PLOD3: variants seen among roughly 807,000 people sequenced by gnomAD.
PLOD3 encodes multifunctional procollagen lysine hydroxylase and glycosyltransferase LH3.
Under a neutral mutation model 96.9 loss-of-function variants are expected in PLOD3, and 73 were observed. The ratio of observed to expected loss-of-function variants is 0.75; its 90% CI spans 0.62 to 0.92. The LOEUF is 0.92. Among genes scored for constraint, PLOD3 ranks in the 40% least tolerant of loss-of-function variants. The pLI is 0.00. For missense variants in PLOD3, 1,004 were observed against 1,004.3 expected (o/e 1.00, Z 0.00); for synonymous variants, 454 against 413.7 (o/e 1.10, Z -1.18).
intron 6 of PLOD3, among the ~76,000 whole-genome samples, chr7:101,214,201 A>G (rs1562894929): frequency 1.3e-5 from 2 of 150,702 alleles, no homozygotes; most frequent in African/African-American, 2.4e-5. Flanking sequence ...ATCTCGGCTC[A>G]CTGCAAGCTC....
In PLOD3 at chr7:101,212,945, T is replaced by A; in HGVS notation, c.778-2A>T. 2 of 1,609,576 alleles carry A rather than the reference T, an allele frequency of 1.2e-6. No homozygotes were observed. The highest frequency in any genetic ancestry group is 1.7e-6 in the Non-Finnish European group (2 of 1,176,032). The stretch of plus-strand genomic sequence containing the variant: ...GTTTCCCAGGTAGTTGAGCTGCAGC[T>A]GTTGGGGACAGACTGAGGCTGAGTG... On this transcript the variant is annotated splice_acceptor_variant, in intron 7 of 18. Transcript: ENST00000223127. LOFTEE classifies it high-confidence loss of function.
rs759282380 is a variant in PLOD3 at position 101,212,378 on chromosome 7, G to A, written c.1006-4C>T. On this transcript the variant is annotated splice_polypyrimidine_tract_variant and splice_region_variant and intron_variant, in intron 9 of 18. Transcript: ENST00000223127. ...TGTGGGGTTCATGGAAGACCTCCTG[G>A]GAGGGGAAGACATAGGGGGATGGGC... 2.4e-5 allele frequency: 38 copies of A among 1,613,432 alleles called. No homozygotes were observed. The highest frequency in any genetic ancestry group is 3.3e-4 in the Middle Eastern group (2 of 6,010).
Position 101,216,203 on chromosome 7 carries a change from G to C in PLOD3, c.462C>G (p.Tyr154Ter). The C allele has an allele frequency of 1.2e-6, 2 of 1,613,946 alleles. No individual in the cohort carries two copies. The highest frequency in any genetic ancestry group is 1.7e-6 in the Non-Finnish European group (2 of 1,180,018). The stretch of plus-strand genomic sequence containing the variant: ...AGCGCTTCCCCGTGCCCACCTCAGG[G>C]TACTGCTCCGCCAGCCCCCACTCGG... Reference protein sequence around the residue: ...CWPEWGLAEQYPEVGTGKRFL... With the variant: ...CWPEWGLAEQ Residue 154 changes from tyrosine (Y) to a stop codon, truncating the protein, a stop_gained, in exon 4 of 19, where the codon TAC becomes TAG. Coordinates refer to ENST00000223127, the MANE Select transcript of PLOD3 (RefSeq NM_001084.5). LOFTEE classifies it high-confidence loss of function.
chr7:101,211,677 C>G lies in PLOD3; in HGVS notation c.1272G>C (p.Leu424=), dbSNP rs764565312. ...TCAGGGCGCCCCAGAAGTTGGACCA[C>G]AGCTTGCCGTGGCGGGACAGCATGG... ...IAPMLSRHGK[L]WSNFWGALSP... is the part of the protein sequence containing the mutation. Residue 424 remains leucine (L), a synonymous_variant, in exon 12 of 19, where the codon CTG becomes CTC. Coordinates refer to ENST00000223127, the MANE Select transcript of PLOD3 (RefSeq NM_001084.5). 2.5e-5 allele frequency: 40 copies of G among 1,608,028 alleles called. No homozygotes were observed. The South Asian group carries it at 3.8e-4, about 15-fold the overall frequency.
rs1307065985 is a variant in PLOD3 at position 101,212,510 on chromosome 7, C to T, written c.1005+20G>A. 1 of 1,613,186 alleles carries T rather than the reference C, an allele frequency of 6.2e-7. No homozygotes were observed. The highest frequency in any genetic ancestry group is 8.5e-7 in the Non-Finnish European group (1 of 1,179,426). Reference sequence around the variant, plus strand: ...CAGGGAAAGGGTCCCTCAGGAGAGGCTCCAACAGGGGAGTCTCACGTTGTT... The same window carrying T: ...CAGGGAAAGGGTCCCTCAGGAGAGGTTCCAACAGGGGAGTCTCACGTTGTT... On this transcript the variant is annotated intron_variant, in intron 9 of 18. Transcript: ENST00000223127.
intron 7 of PLOD3, 35 bp downstream of exon 7, chr7:101,213,072 C>CG: frequency 7.9e-7 from 1 of 1,260,268 alleles, no homozygotes; most frequent in Non-Finnish European, 1.1e-6. Context: ...GGGGTTGGGG[C>CG]AGGGCGGGGC....
At position 101,210,693 on chromosome 7, in the gene PLOD3, G is replaced by T. The variant is rs186997109; in HGVS notation, c.1359-20C>A. On this transcript the variant is annotated intron_variant, in intron 12 of 18. Transcript: ENST00000223127. ...ACACCCCTGGAGGCACCGACACCGC[G>T]GTCAGCTGGGAGGACAGCCCCCCAA... 4 of 1,612,948 alleles carry T rather than the reference G, an allele frequency of 2.5e-6. No homozygotes were observed. Among genetic ancestry groups the T allele is most frequent in the Non-Finnish European group, 2.5e-6 (3 of 1,179,586 alleles).
At chr7:101,208,709 G>A in intron 16 of PLOD3, 144 bp downstream of exon 16, 1 of 677,500 alleles carries the variant, frequency 1.5e-6, no homozygotes, top group Non-Finnish European at 2.7e-6. Flanking sequence ...TTGAATACAT[G>A]AATGAATGCA....
In PLOD3 at chr7:101,212,246, C is replaced by G; in HGVS notation, c.1127+7G>C. On this transcript the variant is annotated splice_region_variant and intron_variant, in intron 10 of 18. Transcript: ENST00000223127. ...CCACCCTCTCCTCCCCGCAAGCACC[C>G]GCTCACATGGCCATGTCCCTGGCCT... is the stretch of plus-strand genomic sequence containing the variant. The G allele has an allele frequency of 6.2e-7, 1 of 1,612,168 alleles. No homozygotes were observed. Among genetic ancestry groups the G allele is most frequent in the Non-Finnish European group, 8.5e-7 (1 of 1,179,920 alleles).
chr7:101,207,805 C>A (rs961933652), intron 16 of PLOD3, 81 bp from the exon 17 acceptor site: 1 of 1,487,512 alleles, frequency 6.7e-7, no homozygotes, highest in East Asian at 2.3e-5. Context: ...TCCTTCCTCC[C>A]GTCCTCCAGC....
chr7:101,212,241 G>T lies in PLOD3; in HGVS notation c.1127+12C>A. The T allele has an allele frequency of 6.2e-7, 1 of 1,611,724 alleles. No homozygotes were observed. The highest frequency in any genetic ancestry group is 8.5e-7 in the Non-Finnish European group (1 of 1,179,890). The stretch of plus-strand genomic sequence containing the variant: ...TCATCCCACCCTCTCCTCCCCGCAA[G>T]CACCCGCTCACATGGCCATGTCCCT... On this transcript the variant is annotated intron_variant, in intron 10 of 18. Transcript: ENST00000223127.
chr7:101,208,756 C>T (rs940054691), intron 16 of PLOD3, 97 bp downstream of exon 16: 7 of 824,176 alleles, frequency 8.5e-6, no homozygotes, highest in Non-Finnish European at 1.5e-5. Context: ...CCTGGGAACC[C>T]CTCTTTGCTC....
At position 101,206,117 on chromosome 7, in the gene PLOD3, G is replaced by A. The variant is rs925343828; in HGVS notation, c.*164C>T. On this transcript the variant is annotated 3_prime_UTR_variant, in exon 19 of 19. Coordinates refer to ENST00000223127, the MANE Select transcript of PLOD3 (RefSeq NM_001084.5). ...GGCGGGGACTCCGGGAGCTTCCTGAGAGGGCCGTGTCTTGGGAGCAAGGTG... is the reference window on the plus strand; with the variant it reads ...GGCGGGGACTCCGGGAGCTTCCTGAAAGGGCCGTGTCTTGGGAGCAAGGTG... 8 of 805,014 alleles carry A rather than the reference G, an allele frequency of 9.9e-6. No individual in the cohort carries two copies. In the Admixed American group the frequency reaches 1.1e-4, roughly 11 times the overall value. 49.9% of individuals were successfully genotyped at this position (805,014 alleles called of 1,614,324 possible). A position where few individuals can be genotyped will look rare whatever the true frequency, so the allele number is the denominator to read the frequency against.
intron 18 of PLOD3, 79 bp from the exon 19 acceptor site, chr7:101,206,515 G>T (rs1798086840): frequency 7.3e-7 from 1 of 1,365,592 alleles, no homozygotes; most frequent in Non-Finnish European, 1.0e-6. Context: ...GGGCAGGGCG[G>T]CCAGACCGGG....
chr7:101,213,317 C>G (rs1433654673), intron 6 of PLOD3, 113 bp from the exon 7 acceptor site: 6 of 767,350 alleles, frequency 7.8e-6, no homozygotes, highest in Non-Finnish European at 1.4e-5. Context: ...GACACCAGGG[C>G]TATCCTGGAG....
rs925867850 is a variant in PLOD3, at chr7:101,209,658, C to CT, written c.1683+434dup. Among the ~76,000 whole-genome samples, 10 of 149,976 alleles carry CT rather than the reference C, an allele frequency of 6.7e-5. No individual in the cohort carries two copies. In the East Asian group the frequency reaches 7.9e-4, roughly 12 times the overall value. On this transcript the variant is annotated intron_variant, in intron 15 of 18. Transcript: ENST00000223127. ...CTGCCTGCCTCGGCCTCTCAATGTA[C>CT]TGGGATTACAAGCATGAGCACCACT...
chr7:101,216,852 TC>T (rs1181962845), intron 1 of PLOD3, 66 bp from the exon 2 acceptor site: 5 of 1,060,512 alleles, frequency 4.7e-6, no homozygotes, highest in Non-Finnish European at 7.2e-6. Context: ...TGCTTTGCTG[TC>T]CTCCCTCTCA....
At position 101,211,931 on chromosome 7, in the gene PLOD3, G is replaced by T; in HGVS notation, c.1147C>A (p.Pro383Thr). 1.2e-6 allele frequency: 2 copies of T among 1,607,146 alleles called. No individual in the cohort carries two copies. Among genetic ancestry groups the T allele is most frequent in the Non-Finnish European group, 1.7e-6 (2 of 1,177,160 alleles). ...AGGCTGAAGTAGAACTCACACTCGG[G>T]GTCCTGCCGACACAGGTCCCTGGAG... is the stretch of plus-strand genomic sequence containing the variant. ...DMAMDLCRQD[P>T]ECEFYFSLDA... is the part of the protein sequence containing the mutation. Residue 383 changes from proline to threonine, a missense_variant, in exon 11 of 19, where the codon CCC becomes ACC. By Grantham distance (38) the Pro-to-Thr change is conservative. This residue lies in a region of PLOD3 where 690 missense variants were observed against 650.2 expected (regional missense o/e 1.06). Transcript: ENST00000223127.
intron 6 of PLOD3, chr7:101,213,646 A>G: frequency 5.2e-6 from 1 of 193,318 alleles, no homozygotes; most frequent in Non-Finnish European, 1.1e-5. Context: ...CCTTTCAGGT[A>G]GCTGAGACTA....
Sources: gnomAD v4.1 joint callset for allele counts (sites outside exome capture counted in the v4.1 genomes callset) on GRCh38, gnomAD v4.1.1 for gene constraint, gnomAD v4.1.1 regional missense constraint, MANE v1.5 for transcripts, NCBI Gene and HGNC (gene_info 2026-07-23, HGNC 2026-07-21) for gene names.